Variants in PLA2G10 observed in about 807,000 individuals in gnomAD.
PLA2G10 encodes the protein group 10 secretory phospholipase A2.
A neutral mutation model predicts 7.9 loss-of-function variants in PLA2G10; 9 were observed. That is an observed-to-expected ratio of 1.14 (90% CI 0.68 to 1.98). The LOEUF (loss-of-function observed/expected upper bound fraction) is 1.98. PLA2G10 is among the 30% of genes most tolerant of loss of function. The pLI, the probability that PLA2G10 is intolerant of heterozygous loss-of-function variation, is 0.00. For synonymous variants in PLA2G10, 19 were observed against 27.5 expected, an observed-to-expected ratio of 0.69 and a Z score of 0.97; for missense variants, 53 against 65.4, an observed-to-expected ratio of 0.81 and a Z score of 0.66.
rs1371748628 is a variant in PLA2G10 at position 14,688,549 on chromosome 16, C to T, written c.249-278G>A. The stretch of plus-strand genomic sequence containing the variant: ...GACTACAGGCACACGCCAGCATGCC[C>T]GGCTGGTTTTTTAATTTGTATTTCC... On this transcript the variant is annotated intron_variant, in intron 2 of 3. Transcript: ENST00000438167. Among the ~76,000 whole-genome samples, 19 of 34,676 alleles carry T rather than the reference C, an allele frequency of 5.5e-4. 1 individual carries two copies. The East Asian group carries it at 6.6e-3, about 12-fold the overall frequency. The allele number at this position is 34,676 out of a possible 152,430, so 22.7% of individuals were successfully genotyped here. A position where few individuals can be genotyped will look rare whatever the true frequency, so the allele number is the denominator to read the frequency against.
chr16:14,677,320 C>T (rs1278033373), intron 3 of PLA2G10, among the ~76,000 whole-genome samples: 1 of 152,108 alleles, frequency 6.6e-6, no homozygotes, highest in Non-Finnish European at 1.5e-5. Context: ...GTGTACAAGT[C>T]AGTGACATTT....
intron 3 of PLA2G10, chr16:14,678,767 CA>C (rs746387512): frequency 0.069 from 20,206 of 292,052 alleles, no homozygotes; most frequent in South Asian, 0.12. Context: ...AAGACTGTCT[CA>C]AAAAAAAAAA....
At chr16:14,682,456 TC>T (rs1490236960) in intron 3 of PLA2G10, among the ~76,000 whole-genome samples, 1 of 151,906 alleles carries the variant, frequency 6.6e-6, no homozygotes, top group Non-Finnish European at 1.5e-5. Flanking sequence ...GCACCTCTAG[TC>T]CCAGCTACTC....
chr16:14,677,579 A>G (rs560733212), intron 3 of PLA2G10, among the ~76,000 whole-genome samples: 1 of 152,078 alleles, frequency 6.6e-6, no homozygotes, highest in Non-Finnish European at 1.5e-5. Flanking sequence ...GTTGGCCAGG[A>G]TGCTCTCAAT....
At chr16:14,683,671 T>C (rs1960960441) in intron 3 of PLA2G10, among the ~76,000 whole-genome samples, 1 of 152,132 alleles carries the variant, frequency 6.6e-6, no homozygotes, top group Non-Finnish European at 1.5e-5. Flanking sequence ...AAAAATTAAC[T>C]CAAAATGGAT....
intron 2 of PLA2G10, among the ~76,000 whole-genome samples, 184 bp from the exon 3 acceptor site, chr16:14,688,455 C>G (rs1961166898): frequency 1.7e-5 from 1 of 59,698 alleles, no homozygotes; most frequent in Non-Finnish European, 4.0e-5. Flanking sequence ...GTGGCACAAT[C>G]ATAGCTCACT....
intron 3 of PLA2G10, among the ~76,000 whole-genome samples, chr16:14,682,163 A>T (rs1960909659): frequency 6.6e-6 from 1 of 152,130 alleles, no homozygotes; most frequent in Admixed American, 6.6e-5. Flanking sequence ...AGAGGGTTGG[A>T]TGAGATGATA....
chr16:14,680,121 CAG>C (rs1960848983), intron 3 of PLA2G10, among the ~76,000 whole-genome samples: 1 of 132,552 alleles, frequency 7.5e-6, no homozygotes, highest in South Asian at 2.4e-4. Context: ...TTTTTTGAAA[CAG>C]AGTCTCACTC....
intron 3 of PLA2G10, among the ~76,000 whole-genome samples, chr16:14,681,017 T>A (rs1287449054): frequency 6.6e-6 from 1 of 151,396 alleles, no homozygotes; most frequent in Non-Finnish European, 1.5e-5. Flanking sequence ...CAAAAAAAAA[T>A]TAGCTGGGTA....
At chr16:14,687,180 A>C (rs1288675224) in intron 3 of PLA2G10, among the ~76,000 whole-genome samples, 1 of 151,908 alleles carries the variant, frequency 6.6e-6, no homozygotes, top group Non-Finnish European at 1.5e-5. Flanking sequence ...ACAAACAAAC[A>C]ATAAATAAAT....
At chr16:14,686,466 G>C (rs1961067854) in intron 3 of PLA2G10, among the ~76,000 whole-genome samples, 1 of 151,780 alleles carries the variant, frequency 6.6e-6, no homozygotes, top group Non-Finnish European at 1.5e-5. Flanking sequence ...TATTTGAAGG[G>C]AAACTATAAA....
chr16:14,686,625 C>T (rs758766451), intron 3 of PLA2G10, among the ~76,000 whole-genome samples: 9 of 152,090 alleles, frequency 5.9e-5, no homozygotes, highest in Admixed American at 5.2e-4. Flanking sequence ...GTCAGACTCT[C>T]GAGTAGCTGG....
At chr16:14,678,842 G>A (rs1464512249) in intron 3 of PLA2G10, 1 of 309,242 alleles carries the variant, frequency 3.2e-6, no homozygotes, top group Non-Finnish European at 6.5e-6. Context: ...CTCTCTCAGA[G>A]AAGAGCCTCC....
chr16:14,677,512 G>A (rs914249512), intron 3 of PLA2G10, among the ~76,000 whole-genome samples: 3 of 152,170 alleles, frequency 2.0e-5, no homozygotes, highest in African/African-American at 7.2e-5. Context: ...GACTACAGGC[G>A]CACACCACCA....
chr16:14,687,030 C>A (rs1265088237), intron 3 of PLA2G10, among the ~76,000 whole-genome samples: 1 of 151,776 alleles, frequency 6.6e-6, no homozygotes, highest in Non-Finnish European at 1.5e-5. Flanking sequence ...ATCACTTGAA[C>A]CCAAGAGGTG....
chr16:14,686,216 A>C (rs1961057969), intron 3 of PLA2G10, among the ~76,000 whole-genome samples: 1 of 151,836 alleles, frequency 6.6e-6, no homozygotes, highest in Non-Finnish European at 1.5e-5. Flanking sequence ...CTGGTCTTGA[A>C]TTCCTAGGCT....
chr16:14,676,896 A>G (rs1226733820), intron 3 of PLA2G10, among the ~76,000 whole-genome samples: 6 of 152,162 alleles, frequency 3.9e-5, no homozygotes, highest in African/African-American at 1.4e-4. Context: ...GTATGTTCTC[A>G]CTTATAAGTG....
intron 3 of PLA2G10, among the ~76,000 whole-genome samples, chr16:14,680,382 G>A (rs2151851429): frequency 6.6e-6 from 1 of 151,880 alleles, no homozygotes; most frequent in East Asian, 1.9e-4. Context: ...TTACAGGCGT[G>A]AGACACTGTG....
At chr16:14,672,780 C>T (rs764674494) in intron 3 of PLA2G10, 31 bp from the exon 4 acceptor site, 2 of 1,611,832 alleles carry the variant, frequency 1.2e-6, no homozygotes, top group Non-Finnish European at 1.7e-6. Context: ...GAGATTAGAG[C>T]AGGGACCTGG....
Sources: allele counts gnomAD v4.1 joint callset (sites outside exome capture counted in the v4.1 genomes callset), GRCh38; gene constraint gnomAD v4.1.1; transcripts MANE v1.5; gene names NCBI Gene and HGNC (gene_info 2026-07-23, HGNC 2026-07-21).